The following PAK5 variants were observed in gnomAD, a reference collection of about 807,000 sequenced individuals.
PAK5 encodes the protein serine/threonine-protein kinase PAK 5.
PAK5 carries 16 observed loss-of-function variants against 65.9 expected under a neutral mutation model. The observed-to-expected ratio is 0.24, with a 90% CI of 0.16 to 0.37. The LOEUF (loss-of-function observed/expected upper bound fraction) is 0.37, where lower values mean the gene tolerates loss of function less well. Ranked by LOEUF, PAK5 falls within the 10% of genes least tolerant of loss-of-function variation. The pLI is 1.00. For synonymous variants in PAK5, 371 were observed against 354.9 expected (o/e 1.05, Z -0.51); for missense variants, 785 against 903.9 (o/e 0.87, Z 1.69).
Position 9,562,934 on chromosome 20 carries a change from A to T in PAK5, c.1573T>A (p.Phe525Ile). 6.2e-7 allele frequency: 1 copy of T among 1,613,592 alleles called. No homozygotes were observed. The highest frequency in any genetic ancestry group is 8.5e-7 in the Non-Finnish European group (1 of 1,179,730). Residue 525 changes from phenylalanine to isoleucine, a missense_variant, in exon 6 of 10, where the codon TTT becomes ATT. Transcript: ENST00000353224. ...TCTGTCAAGGCACCACCTTCTAGAA[A>T]CTCCATGACCACCCAGAGCTCATCG... ...VGDELWVVMEFLEGGALTDIV... is the reference protein window; with the variant it reads ...VGDELWVVMEILEGGALTDIV...
intron 2 of PAK5, among the ~76,000 whole-genome samples, chr20:9,662,304 G>A (rs77134463): frequency 0.028 from 4,292 of 152,098 alleles, 191 homozygotes; most frequent in African/African-American, 0.095. Context: ...TTAGGATGAT[G>A]GCGCTAACAA....
At chr20:9,820,128 A>G (rs1340917380) in intron 1 of PAK5, among the ~76,000 whole-genome samples, 1 of 152,208 alleles carries the variant, frequency 6.6e-6, no homozygotes, top group Non-Finnish European at 1.5e-5. Flanking sequence ...GCCCCTTTCA[A>G]ACAAAAGAAT....
At chr20:9,613,491 C>G (rs1036861823) in intron 3 of PAK5, among the ~76,000 whole-genome samples, 1 of 152,134 alleles carries the variant, frequency 6.6e-6, no homozygotes, top group African/African-American at 2.4e-5. Flanking sequence ...GGGCACCCAC[C>G]CTTTTGTGAG....
At chr20:9,584,558 G>A (rs1029212933) in intron 3 of PAK5, among the ~76,000 whole-genome samples, 1 of 152,104 alleles carries the variant, frequency 6.6e-6, no homozygotes, top group Non-Finnish European at 1.5e-5. Context: ...TGATCCACCC[G>A]CCTTGGCCTC....
intron 1 of PAK5, among the ~76,000 whole-genome samples, chr20:9,751,982 G>A (rs893811946): frequency 1.2e-4 from 18 of 152,104 alleles, no homozygotes; most frequent in Non-Finnish European, 2.2e-4. Flanking sequence ...ACCAAACCTC[G>A]TGAGATAGAT....
chr20:9,685,357 A>G (rs2047704009), intron 2 of PAK5, among the ~76,000 whole-genome samples: 1 of 152,202 alleles, frequency 6.6e-6, no homozygotes, highest in Non-Finnish European at 1.5e-5. Context: ...ATTAGTTTAG[A>G]TGAGGTTATT....
chr20:9,628,917 T>C (rs1425717214), intron 3 of PAK5, among the ~76,000 whole-genome samples: 2 of 152,286 alleles, frequency 1.3e-5, no homozygotes, highest in East Asian at 3.9e-4. Context: ...TGTCCCAACT[T>C]CCTTGCTCCT....
chr20:9,760,647 G>T (rs1600338180), intron 1 of PAK5, among the ~76,000 whole-genome samples: 1 of 146,008 alleles, frequency 6.8e-6, no homozygotes, highest in Non-Finnish European at 1.5e-5. Flanking sequence ...CAATTCATCT[G>T]ACATTTATCT....
chr20:9,715,878 A>G (rs1305999772), intron 1 of PAK5, among the ~76,000 whole-genome samples: 1 of 127,104 alleles, frequency 7.9e-6, no homozygotes, highest in Non-Finnish European at 1.6e-5. Flanking sequence ...GGGGAACATC[A>G]TACACCGGGG....
chr20:9,612,643 T>A (rs567811968), intron 3 of PAK5, among the ~76,000 whole-genome samples: 2 of 151,842 alleles, frequency 1.3e-5, no homozygotes, highest in Admixed American at 6.6e-5. Context: ...ACCCCCCCGA[T>A]CCAATCACCT....
At chr20:9,673,767 G>A (rs1343986492) in intron 2 of PAK5, among the ~76,000 whole-genome samples, 7 of 151,984 alleles carry the variant, frequency 4.6e-5, no homozygotes, top group Non-Finnish European at 1.0e-4. Flanking sequence ...GGACATTTCT[G>A]CCCACAGACC....
chr20:9,627,340 G>A (rs918386890), intron 3 of PAK5, among the ~76,000 whole-genome samples: 1 of 152,214 alleles, frequency 6.6e-6, no homozygotes, highest in African/African-American at 2.4e-5. Flanking sequence ...TTGGCTTGGG[G>A]TTTCCAGCCA....
chr20:9,771,651 C>G lies in PAK5; in HGVS notation c.-161-60216G>C, dbSNP rs1464323866. On this transcript the variant is annotated intron_variant, in intron 1 of 9. Transcript: ENST00000353224. ...GTCCAGGCTGGTCTTGAACTCCTGG[C>G]CTCAAGTAATCCTCCTGTATCAGCC... Among the ~76,000 whole-genome samples, 4 of 143,450 alleles carry G rather than the reference C, an allele frequency of 2.8e-5. No homozygotes were observed. In the Admixed American group the frequency reaches 3.0e-4, roughly 11 times the overall value. The allele number at this position is 143,450 out of a possible 152,430, so 94.1% of individuals were successfully genotyped here. A position where few individuals can be genotyped will look rare whatever the true frequency, so the allele number is the denominator to read the frequency against.
Position 9,645,386 on chromosome 20 carries a change from C to CCT in PAK5, c.-11-1049_-11-1048dup, listed in dbSNP as rs552814501. 2.0e-5 allele frequency among the ~76,000 whole-genome samples: 3 copies of CCT among 152,346 alleles called. No homozygotes were observed. The South Asian group carries it at 6.2e-4, about 32-fold the overall frequency. ...CTGGGTTTGCATCCCAGCTAGGTCA[C>CCT]CTATTCACTGTGATCCCAGATAATT... On this transcript the variant is annotated intron_variant, in intron 2 of 9. Coordinates refer to ENST00000353224, the MANE Select transcript of PAK5 (RefSeq NM_177990.4).
intron 4 of PAK5, among the ~76,000 whole-genome samples, chr20:9,577,196 C>T (rs1310221238): frequency 7.1e-6 from 1 of 141,556 alleles, no homozygotes; most frequent in African/African-American, 2.5e-5. Flanking sequence ...GTTTCATCTG[C>T]TTAGTTCCAG....
chr20:9,584,978 G>A (rs949947878), intron 3 of PAK5, among the ~76,000 whole-genome samples: 4 of 140,932 alleles, frequency 2.8e-5, no homozygotes, highest in Admixed American at 6.9e-5. Context: ...GGCACACCAA[G>A]GTCTTAAAGG....
intron 3 of PAK5, among the ~76,000 whole-genome samples, chr20:9,612,380 T>C (rs1329052138): frequency 2.0e-5 from 3 of 152,162 alleles, no homozygotes; most frequent in Admixed American, 6.5e-5. Context: ...AGAGGCTTAA[T>C]TGGTTCAAGG....
chr20:9,630,634 T>C (rs949464515), intron 3 of PAK5, among the ~76,000 whole-genome samples: 5 of 152,216 alleles, frequency 3.3e-5, no homozygotes, highest in African/African-American at 9.6e-5. Flanking sequence ...CCAATTCTAC[T>C]AGCAGTGGAA....
At chr20:9,681,309 T>C (rs1006418655) in intron 2 of PAK5, among the ~76,000 whole-genome samples, 2 of 152,160 alleles carry the variant, frequency 1.3e-5, no homozygotes, top group Non-Finnish European at 2.9e-5. Flanking sequence ...AAGCAACATA[T>C]GCTTCTTATT....
Sources: allele counts gnomAD v4.1 joint callset (sites outside exome capture counted in the v4.1 genomes callset), GRCh38; gene constraint gnomAD v4.1.1; transcripts MANE v1.5; gene names NCBI Gene and HGNC (gene_info 2026-07-23, HGNC 2026-07-21).